Variants in DTX2 observed in about 807,000 individuals in gnomAD.
The protein encoded by DTX2 is probable E3 ubiquitin-protein ligase DTX2.
A neutral mutation model predicts 55.3 loss-of-function variants in DTX2; 29 were observed. The ratio of observed to expected loss-of-function variants is 0.52; its 90% CI spans 0.39 to 0.71. DTX2 has a LOEUF of 0.71. Among genes scored for constraint, DTX2 ranks in the 30% least tolerant of loss-of-function variants. The probability of loss-of-function intolerance (pLI) is 0.00; values close to 1 mark genes in which losing one functional copy is unlikely to be tolerated. For synonymous variants in DTX2, 276 were observed against 340.4 expected (o/e 0.81, Z 2.08); for missense variants, 537 against 822.5 (o/e 0.65, Z 4.25).
At chr7:76,482,482 A>G (rs767477706) in intron 3 of DTX2, 26 bp from the exon 4 acceptor site, 9 of 1,554,916 alleles carry the variant, frequency 5.8e-6, no homozygotes, top group Admixed American at 3.9e-5. Context: ...CTAGCAGACT[A>G]ACCTTTTGTT....
At position 76,482,658 on chromosome 7, in the gene DTX2, A is replaced by G; in HGVS notation, c.419A>G (p.Asn140Ser). 1 of 1,613,846 alleles carries G rather than the reference A, an allele frequency of 6.2e-7. No homozygotes were observed. The highest frequency in any genetic ancestry group is 8.5e-7 in the Non-Finnish European group (1 of 1,179,802). Residue 140 changes from asparagine (N) to serine (S), a missense_variant, in exon 4 of 11, where the codon AAC becomes AGC. Asn to Ser is a conservative substitution (Grantham distance 46). Around this residue, in one of 7 missense-constraint regions of DTX2, gnomAD observed 301 missense variants for 396.6 expected, o/e 0.76. Transcript: ENST00000430490. ...CTGGAGCAGCAGGTGGCCAGGGGCAACCAGCTCGTGGACTTGGCCCCCCTG... is the reference window on the plus strand; with the variant it reads ...CTGGAGCAGCAGGTGGCCAGGGGCAGCCAGCTCGTGGACTTGGCCCCCCTG... Reference protein sequence around the residue: ...DYLEQQVARGNQLVDLAPLGY... With the variant: ...DYLEQQVARGSQLVDLAPLGY...
At chr7:76,466,962 A>G (rs569962247) in intron 2 of DTX2, among the ~76,000 whole-genome samples, 4 of 151,982 alleles carry the variant, frequency 2.6e-5, no homozygotes, top group Admixed American at 2.0e-4. Flanking sequence ...GTGCAGTGGC[A>G]TAATCACGGA....
intron 2 of DTX2, among the ~76,000 whole-genome samples, chr7:76,475,970 G>A (rs1283306019): frequency 3.1e-5 from 1 of 32,092 alleles, no homozygotes; most frequent in Non-Finnish European, 6.2e-5. Context: ...GGCTTTTGCT[G>A]TGTTGCCCAC....
intron 2 of DTX2, among the ~76,000 whole-genome samples, 181 bp from the exon 3 acceptor site, chr7:76,480,240 G>C (rs560302738): frequency 6.7e-6 from 1 of 148,998 alleles, no homozygotes; most frequent in East Asian, 2.0e-4. Flanking sequence ...AGGAGTTTGA[G>C]GCTGCTGTGA....
chr7:76,482,630 T>C lies in DTX2; in HGVS notation c.391T>C (p.Tyr131His), dbSNP rs766248708. The change falls in exon 4 of 11, where the codon TAT becomes CAT. Residue 131 changes from tyrosine (Y) to histidine (H), a missense_variant. Physicochemically the swap from Tyr to His is moderately conservative, Grantham distance 83. This residue lies in a region of DTX2 where 301 missense variants were observed against 396.6 expected (regional missense o/e 0.76). Coordinates refer to ENST00000430490, the MANE Select transcript of DTX2 (RefSeq NM_001102594.3). ...WTAYEASVCD[Y>H]LEQQVARGNQ... ...TGCCTATGAAGCCAGCGTCTGTGAC[T>C]ATCTGGAGCAGCAGGTGGCCAGGGG... is the stretch of plus-strand genomic sequence containing the variant. 6 of 1,613,620 alleles carry C rather than the reference T, an allele frequency of 3.7e-6. No individual in the cohort carries two copies. In the Admixed American group the frequency reaches 8.3e-5, roughly 22 times the overall value.
At chr7:76,502,495 C>A (rs6963784) in intron 8 of DTX2, 39 bp downstream of exon 8, 4 of 1,598,018 alleles carry the variant, frequency 2.5e-6, no homozygotes, top group East Asian at 2.2e-5. Context: ...GGTGGCCCGC[C>A]CCCACAGTCC....
chr7:76,505,553 T>G lies in DTX2; in HGVS notation c.1821T>G (p.Ala607=). 4 of 1,604,670 alleles carry G rather than the reference T, an allele frequency of 2.5e-6. No homozygotes were observed. The highest frequency in any genetic ancestry group is 3.4e-6 in the Non-Finnish European group (4 of 1,176,672). The change falls in exon 11 of 11, where the codon GCT becomes GCG. Residue 607 remains alanine, a synonymous_variant. Coordinates refer to ENST00000430490, the MANE Select transcript of DTX2 (RefSeq NM_001102594.3). This position sits in a 1 kb window ranked among gnomAD's most constrained non-coding sequence, Gnocchi z 4.4. ...PDPNYLQNVL[A]ELAAQGVTED... is the part of the protein sequence containing the mutation. ...CCAACTACCTGCAGAACGTGCTGGC[T>G]GAGCTGGCTGCCCAGGGGGTGACCG...
Position 76,499,286 on chromosome 7 carries a change from A to G in DTX2, c.1151-1155A>G, listed in dbSNP as rs73703178. Among the ~76,000 whole-genome samples, 925 of 108,530 alleles carry G rather than the reference A, an allele frequency of 8.5e-3. 22 individuals are homozygous for G. The highest frequency in any genetic ancestry group is 0.034 in the African/African-American group (863 of 25,192). 71.2% of individuals were successfully genotyped at this position (108,530 alleles called of 152,430 possible). A position where few individuals can be genotyped will look rare whatever the true frequency, so the allele number is the denominator to read the frequency against. ...ATATTCGTCTTTCCCGTTTGAGATC[A>G]GGGAACCGAGGCTCAGAGGTGGCAT... On this transcript the variant is annotated intron_variant, in intron 6 of 10. Coordinates refer to ENST00000430490, the MANE Select transcript of DTX2 (RefSeq NM_001102594.3).
Position 76,483,015 on chromosome 7 carries a change from C to T in DTX2, c.776C>T (p.Pro259Leu), listed in dbSNP as rs745386317. 8.1e-6 allele frequency: 13 copies of T among 1,613,444 alleles called. No homozygotes were observed. The highest frequency in any genetic ancestry group is 1.0e-5 in the Non-Finnish European group (12 of 1,179,734). Residue 259 changes from proline (P) to leucine (L), a missense_variant, in exon 4 of 11, where the codon CCC becomes CTC. Around this residue, in one of 7 missense-constraint regions of DTX2, gnomAD observed 301 missense variants for 396.6 expected, o/e 0.76. Coordinates refer to ENST00000430490, the MANE Select transcript of DTX2 (RefSeq NM_001102594.3). ...TCACTCTCCGGGGCCCGGTCTGCGC[C>T]CAGGCTGAACACCACCAACGCCTGG... ...KPSLSGARSA[P>L]RLNTTNAWGA...
In DTX2 at chr7:76,489,899, AAAC is replaced by A. The variant is rs1045280466; in HGVS notation, c.909-2247_909-2245del. ...AAAACCCTCATATTAAAAAAAAAAA[AAAC>A]AACAACCTTTATTTTATGGTAATTA... On this transcript the variant is annotated intron_variant, in intron 4 of 10. Transcript: ENST00000430490. 1.6e-5 allele frequency among the ~76,000 whole-genome samples: 2 copies of A among 123,660 alleles called. 1 individual carries two copies. The highest frequency in any genetic ancestry group is 3.6e-5 in the Non-Finnish European group (2 of 55,296). The allele number at this position is 123,660 out of a possible 152,430, so 81.1% of individuals were successfully genotyped here. A position where few individuals can be genotyped will look rare whatever the true frequency, so the allele number is the denominator to read the frequency against.
Position 76,505,098 on chromosome 7 carries a change from A to G in DTX2, c.1642-276A>G, listed in dbSNP as rs1204617763. Among the ~76,000 whole-genome samples, 1 of 151,858 alleles carries G rather than the reference A, an allele frequency of 6.6e-6. No individual in the cohort carries two copies. Among genetic ancestry groups the G allele is most frequent in the Non-Finnish European group, 1.5e-5 (1 of 67,926 alleles). On this transcript the variant is annotated intron_variant, in intron 10 of 10. Transcript: ENST00000430490. The surrounding 1 kb of genome is among the most constrained non-coding windows in gnomAD (Gnocchi z 4.4). ...TCCAGCAACGGCTGTGGAAGCAGGG[A>G]GGACTCGAGCATGGTGCCTGGGCAT...
rs201287277 is a variant in DTX2 at position 76,472,760 on chromosome 7, GA to G, written c.-89-7652del. Among the ~76,000 whole-genome samples, 8 of 150,086 alleles carry G rather than the reference GA, an allele frequency of 5.3e-5. No individual in the cohort carries two copies. The South Asian group carries it at 8.5e-4, about 16-fold the overall frequency. ...GAAAAGAAGCAAGTTTAAAAAAAAA[GA>G]AAAAAAAAGGTCTTCTATCGTTTCT... is the stretch of plus-strand genomic sequence containing the variant. On this transcript the variant is annotated intron_variant, in intron 2 of 10. Transcript: ENST00000430490.
chr7:76,484,014 A>G (rs1638072), intron 4 of DTX2, among the ~76,000 whole-genome samples: 70,840 of 137,752 alleles, frequency 0.51, 19,106 homozygotes, highest in South Asian at 0.59. Flanking sequence ...CTGTGATCGC[A>G]CCACTGCACT....
At chr7:76,488,666 T>C (rs1584203878) in intron 4 of DTX2, among the ~76,000 whole-genome samples, 1 of 71,404 alleles carries the variant, frequency 1.4e-5, no homozygotes. Flanking sequence ...GAGGCCGAGG[T>C]GGGTGGATCA....
At position 76,482,924 on chromosome 7, in the gene DTX2, C is replaced by T. The variant is rs140118064; in HGVS notation, c.685C>T (p.His229Tyr). ...TNLPAYPVPQ[H>Y]PPHRTASVFG... ...CCTCCCTGCATACCCCGTCCCCCAG[C>T]ACCCCCCACACAGGACCGCTTCTGT... is the stretch of plus-strand genomic sequence containing the variant. Residue 229 changes from histidine to tyrosine, a missense_variant, in exon 4 of 11, where the codon CAC (histidine) becomes TAC (tyrosine). Around this residue, in one of 7 missense-constraint regions of DTX2, gnomAD observed 301 missense variants for 396.6 expected, o/e 0.76. Coordinates refer to ENST00000430490, the MANE Select transcript of DTX2 (RefSeq NM_001102594.3). 17 of 1,613,752 alleles carry T rather than the reference C, an allele frequency of 1.1e-5. No homozygotes were observed. The highest frequency in any genetic ancestry group is 1.4e-5 in the Non-Finnish European group (17 of 1,179,778).
rs1293580019 is a variant in DTX2 at position 76,503,446 on chromosome 7, C to T, written c.1410C>T (p.Pro470=). 1.2e-6 allele frequency: 2 copies of T among 1,612,776 alleles called. No individual in the cohort carries two copies. The highest frequency in any genetic ancestry group is 3.3e-5 in the Admixed American group (2 of 60,008). ...GTCAGGATGGAAGTCTGCAGTGTCCCTCCTGCAAAACCATCTATGGAGAGA... is the reference window on the plus strand; with the variant it reads ...GTCAGGATGGAAGTCTGCAGTGTCCTTCCTGCAAAACCATCTATGGAGAGA... The part of the protein sequence containing the change: ...NGNKDGSLQC[P]SCKTIYGEKT... Residue 470 remains proline, a synonymous_variant, in exon 9 of 11, where the codon CCC becomes CCT. Transcript: ENST00000430490.
At chr7:76,469,615 G>A (rs1200656333) in intron 2 of DTX2, among the ~76,000 whole-genome samples, 9 of 149,492 alleles carry the variant, frequency 6.0e-5, no homozygotes, top group Admixed American at 2.7e-4. Context: ...GGATGGTCTC[G>A]CTCTCCTGAC....
Position 76,505,846 on chromosome 7 carries a change from G to C in DTX2, c.*245G>C, listed in dbSNP as rs538736980. ...GCAGCTACCTCAGTGCGCAGGGCCC[G>C]TCTGTCCTCTGGGGGCTGCTTCGGG... On this transcript the variant is annotated 3_prime_UTR_variant, in exon 11 of 11. Transcript: ENST00000430490. The surrounding 1 kb of genome is among the most constrained non-coding windows in gnomAD (Gnocchi z 4.4). 1 of 597,746 alleles carries C rather than the reference G, an allele frequency of 1.7e-6. No homozygotes were observed. Among genetic ancestry groups the C allele is most frequent in the African/African-American group, 1.9e-5 (1 of 53,924 alleles). The allele number at this position is 597,746 out of a possible 1,614,324, so 37.0% of individuals were successfully genotyped here.
chr7:76,503,761 G>A (rs1319584883), intron 9 of DTX2, among the ~76,000 whole-genome samples, 174 bp downstream of exon 9: 2 of 150,224 alleles, frequency 1.3e-5, no homozygotes, highest in Non-Finnish European at 3.0e-5. Flanking sequence ...CAGTGCCGGG[G>A]CTTAGGGTAA....
Sources: allele counts gnomAD v4.1 joint callset (sites outside exome capture counted in the v4.1 genomes callset), GRCh38; gene constraint gnomAD v4.1.1; regional missense constraint gnomAD v4.1.1; non-coding constraint Gnocchi (gnomAD v3.1); transcripts MANE v1.5; gene names NCBI Gene and HGNC (gene_info 2026-07-23, HGNC 2026-07-21).